The following NELL1 variants were observed in gnomAD, a reference collection of about 807,000 sequenced individuals.
NELL1 encodes neural EGFL like 1.
A neutral mutation model predicts 107.4 loss-of-function variants in NELL1; 76 were observed. That is an observed-to-expected ratio of 0.71 (90% CI 0.59 to 0.86). The LOEUF (loss-of-function observed/expected upper bound fraction) is 0.86. Ranked by LOEUF, NELL1 falls within the 40% of genes least tolerant of loss-of-function variation. The pLI is 0.00. For synonymous variants in NELL1, 353 were observed against 341.2 expected (o/e 1.03, Z -0.38); for missense variants, 1,024 against 1,005.5 (o/e 1.02, Z -0.25).
intron 15 of NELL1, among the ~76,000 whole-genome samples, chr11:21,401,143 C>G (rs1846626580): frequency 6.6e-6 from 1 of 151,730 alleles, no homozygotes; most frequent in Admixed American, 6.6e-5. Flanking sequence ...GCTGAAATAC[C>G]ACGTGCTATA....
At chr11:21,473,255 T>A (rs1854228283) in intron 15 of NELL1, among the ~76,000 whole-genome samples, 1 of 152,016 alleles carries the variant, frequency 6.6e-6, no homozygotes, top group Non-Finnish European at 1.5e-5. Flanking sequence ...AGAAATCTTG[T>A]GTTTCTGTCA....
chr11:21,178,311 A>G (rs1856753340), intron 13 of NELL1, among the ~76,000 whole-genome samples: 2 of 151,848 alleles, frequency 1.3e-5, no homozygotes. Flanking sequence ...GGAATTTGTA[A>G]TCTAATTGAA....
intron 3 of NELL1, among the ~76,000 whole-genome samples, chr11:20,831,585 G>T (rs1441769494): frequency 6.6e-6 from 1 of 152,170 alleles, no homozygotes; most frequent in South Asian, 2.1e-4. Flanking sequence ...TTTGGAAGGT[G>T]GGGGGGACCC....
chr11:21,081,322 C>T (rs994980061), intron 12 of NELL1, among the ~76,000 whole-genome samples: 1 of 152,078 alleles, frequency 6.6e-6, no homozygotes, highest in Non-Finnish European at 1.5e-5. Context: ...TTTGCAGGCT[C>T]CTGTTCTATC....
At chr11:21,286,936 G>A (rs1849134627) in intron 14 of NELL1, among the ~76,000 whole-genome samples, 1 of 152,216 alleles carries the variant, frequency 6.6e-6, no homozygotes, top group Non-Finnish European at 1.5e-5. Flanking sequence ...TATCTGTAAA[G>A]TGTGATAACT....
chr11:21,565,950 C>T (rs1856962734), intron 17 of NELL1, among the ~76,000 whole-genome samples: 1 of 151,888 alleles, frequency 6.6e-6, no homozygotes, highest in South Asian at 2.1e-4. Context: ...AGAATAGGTG[C>T]GTCTAGATTA....
At chr11:21,414,962 C>A (rs985405695) in intron 15 of NELL1, among the ~76,000 whole-genome samples, 1 of 151,784 alleles carries the variant, frequency 6.6e-6, no homozygotes, top group African/African-American at 2.4e-5. Context: ...AGAGATGCAC[C>A]CCCCTCCCTC....
intron 12 of NELL1, among the ~76,000 whole-genome samples, chr11:20,975,218 G>T (rs990516984): frequency 3.3e-5 from 5 of 151,868 alleles, no homozygotes; most frequent in African/African-American, 1.2e-4. Flanking sequence ...GTTTCACCAT[G>T]TTGGTCAGGC....
chr11:20,946,529 A>G (rs1331481363), intron 10 of NELL1, among the ~76,000 whole-genome samples: 1 of 152,196 alleles, frequency 6.6e-6, no homozygotes, highest in East Asian at 1.9e-4. Context: ...ATTGTAAGTG[A>G]TTTTATATCT....
intron 14 of NELL1, among the ~76,000 whole-genome samples, chr11:21,355,373 A>G (rs557639331): frequency 4.3e-4 from 65 of 152,336 alleles, no homozygotes; most frequent in African/African-American, 1.5e-3. Context: ...TTGAGCACTC[A>G]CTATGGGTGG....
chr11:21,507,701 G>A (rs1375714120), intron 15 of NELL1, among the ~76,000 whole-genome samples: 1 of 151,612 alleles, frequency 6.6e-6, no homozygotes, highest in Admixed American at 6.6e-5. Context: ...AAAAATAAAG[G>A]CGATAATGAA....
intron 12 of NELL1, among the ~76,000 whole-genome samples, chr11:21,052,223 A>G (rs1853510402): frequency 6.6e-6 from 1 of 152,008 alleles, no homozygotes; most frequent in South Asian, 2.1e-4. Flanking sequence ...TGTGAAGTAG[A>G]GATTAGGGTA....
At position 21,063,924 on chromosome 11, in the gene NELL1, G is replaced by A. The variant is rs141126717; in HGVS notation, c.1301-49665G>A. ...AACAGATTGTCAGTGTTGGTGTGGT[G>A]TGATTGGCAAACTGTGGGTTGTAAT... On this transcript the variant is annotated intron_variant, in intron 12 of 19. Coordinates refer to ENST00000357134, the MANE Select transcript of NELL1 (RefSeq NM_006157.5). Among the ~76,000 whole-genome samples the A allele has an allele frequency of 4.9e-4, 75 of 152,334 alleles. 2 individuals are homozygous for A. The East Asian group carries it at 0.014, about 29-fold the overall frequency.
At chr11:21,479,583 T>A (rs1590964191) in intron 15 of NELL1, among the ~76,000 whole-genome samples, 1 of 152,074 alleles carries the variant, frequency 6.6e-6, no homozygotes, top group Non-Finnish European at 1.5e-5. Flanking sequence ...GGTACAAAAA[T>A]ACATTTAGAT....
intron 13 of NELL1, among the ~76,000 whole-genome samples, chr11:21,123,921 A>G (rs970215408): frequency 3.9e-5 from 6 of 152,214 alleles, no homozygotes; most frequent in Admixed American, 6.5e-5. Flanking sequence ...CTCATCATCT[A>G]ACATGATTTA....
chr11:20,837,591 A>G (rs538050850), intron 3 of NELL1, among the ~76,000 whole-genome samples: 2 of 152,244 alleles, frequency 1.3e-5, no homozygotes, highest in Admixed American at 6.5e-5. Flanking sequence ...GGATTGGGTC[A>G]GGAAATATAT....
chr11:20,732,835 T>C (rs2056303), intron 2 of NELL1, among the ~76,000 whole-genome samples: 25,397 of 152,100 alleles, frequency 0.17, 2,443 homozygotes, highest in East Asian at 0.34. Flanking sequence ...TTTTGTATCA[T>C]TTAGACCTGA....
Position 21,397,375 on chromosome 11 carries a change from A to G in NELL1, c.1645+26427A>G, listed in dbSNP as rs1490774394. ...AAAAAATTAATTTAAAAAGTAGTAT[A>G]TTTTTATTGTAAAAAATGGGAAAAT... On this transcript the variant is annotated intron_variant, in intron 15 of 19. Transcript: ENST00000357134. 2.6e-5 allele frequency among the ~76,000 whole-genome samples: 4 copies of G among 151,744 alleles called. No homozygotes were observed. In the East Asian group the frequency reaches 7.8e-4, roughly 30 times the overall value.
intron 1 of NELL1, among the ~76,000 whole-genome samples, chr11:20,675,883 G>C (rs1294212132): frequency 6.6e-6 from 1 of 151,840 alleles, no homozygotes; most frequent in Admixed American, 6.6e-5. Context: ...AATTAACTGG[G>C]ACCATAGGTG....
Sources: allele counts gnomAD v4.1 joint callset (sites outside exome capture counted in the v4.1 genomes callset), GRCh38; gene constraint gnomAD v4.1.1; transcripts MANE v1.5; gene names NCBI Gene and HGNC (gene_info 2026-07-23, HGNC 2026-07-21).